CDH2: variants seen among roughly 807,000 people sequenced by gnomAD.
The protein encoded by CDH2 is cadherin-2.
CDH2 carries 17 observed loss-of-function variants against 92.0 expected under a neutral mutation model. The ratio of observed to expected loss-of-function variants is 0.18; its 90% CI spans 0.13 to 0.28. CDH2 has a LOEUF of 0.28. Among genes scored for constraint, CDH2 ranks in the 10% least tolerant of loss-of-function variants. The pLI, the probability that CDH2 is intolerant of heterozygous loss-of-function variation, is 1.00. For synonymous variants in CDH2, 419 were observed against 415.9 expected, an observed-to-expected ratio of 1.01 and a Z score of -0.09; for missense variants, 862 against 1,133.1, an observed-to-expected ratio of 0.76 and a Z score of 3.44.
At chr18:28,167,226 A>G (rs1177115769) in intron 1 of CDH2, among the ~76,000 whole-genome samples, 1 of 152,152 alleles carries the variant, frequency 6.6e-6, no homozygotes, top group Admixed American at 6.5e-5. Context: ...AAGAGAGACT[A>G]TAACTTAACA....
At chr18:27,942,670 G>A (rs1334858445) in intron 6 of CDH2, among the ~76,000 whole-genome samples, 2 of 152,198 alleles carry the variant, frequency 1.3e-5, no homozygotes, top group Non-Finnish European at 2.9e-5. Context: ...CTTTCTTAGT[G>A]GAGAAGAAAA....
chr18:27,975,996 G>C (rs1293175190), intron 14 of CDH2, among the ~76,000 whole-genome samples: 1 of 152,106 alleles, frequency 6.6e-6, no homozygotes, highest in Non-Finnish European at 1.5e-5. Context: ...CTGAGTCTGG[G>C]GTCCTTATAG....
At chr18:27,968,492 C>T (rs527368082) in intron 14 of CDH2, among the ~76,000 whole-genome samples, 29 of 152,234 alleles carry the variant, frequency 1.9e-4, no homozygotes, top group Non-Finnish European at 2.8e-4. Context: ...ATGAGTTCTT[C>T]GGTCTGTGCA....
chr18:27,942,817 C>T (rs575686660), intron 6 of CDH2, among the ~76,000 whole-genome samples: 7 of 152,042 alleles, frequency 4.6e-5, no homozygotes, highest in African/African-American at 9.7e-5. Context: ...TGTGTATGAA[C>T]GAGATTGTCC....
At chr18:27,939,729 TGCAACATTAAATG>T (rs1319286800) in intron 6 of CDH2, among the ~76,000 whole-genome samples, 1 of 152,226 alleles carries the variant, frequency 6.6e-6, no homozygotes, top group Non-Finnish European at 1.5e-5. Context: ...TTTACTATAC[TGCAACATTAAATG>T]GCTAAGTTAC....
chr18:28,072,522 C>T (rs770297911), intron 2 of CDH2, among the ~76,000 whole-genome samples: 1 of 152,190 alleles, frequency 6.6e-6, no homozygotes, highest in African/African-American at 2.4e-5. Flanking sequence ...CCACTAGTTC[C>T]TTCAGGTCAT....
At chr18:28,131,682 TG>T (rs2015772702) in intron 2 of CDH2, among the ~76,000 whole-genome samples, 7 of 46,350 alleles carry the variant, frequency 1.5e-4, no homozygotes, top group Admixed American at 2.5e-4. Context: ...AAAGCATTTG[TG>T]GTGTGTGTGT....
At chr18:28,069,881 T>G (rs951396493) in intron 2 of CDH2, among the ~76,000 whole-genome samples, 1 of 152,040 alleles carries the variant, frequency 6.6e-6, no homozygotes, top group Non-Finnish European at 1.5e-5. Context: ...AGGTACCATT[T>G]CCCTGAGAAT....
intron 14 of CDH2, among the ~76,000 whole-genome samples, chr18:27,981,399 AT>A (rs769118696): frequency 6.6e-6 from 1 of 152,226 alleles, no homozygotes; most frequent in Non-Finnish European, 1.5e-5. Context: ...CCTAAGGTAT[AT>A]TTATAGAGCC....
intron 6 of CDH2, among the ~76,000 whole-genome samples, chr18:27,933,702 G>T (rs1452031546): frequency 6.6e-6 from 1 of 152,216 alleles, no homozygotes; most frequent in Non-Finnish European, 1.5e-5. Flanking sequence ...GATGCCCGAA[G>T]TCACTAAGCT....
chr18:28,076,297 G>A (rs572665119), intron 2 of CDH2, among the ~76,000 whole-genome samples: 60 of 152,180 alleles, frequency 3.9e-4, no homozygotes, highest in African/African-American at 1.3e-3. Flanking sequence ...AATCTTTAAA[G>A]TCAGATTGTT....
At chr18:28,091,637 T>A in intron 2 of CDH2, among the ~76,000 whole-genome samples, 1 of 152,204 alleles carries the variant, frequency 6.6e-6, no homozygotes, top group South Asian at 2.1e-4. Context: ...ACTTACTGAT[T>A]TACTATTTGA....
At chr18:28,064,954 T>C (rs987546732) in intron 2 of CDH2, among the ~76,000 whole-genome samples, 2 of 152,066 alleles carry the variant, frequency 1.3e-5, no homozygotes, top group Non-Finnish European at 2.9e-5. Flanking sequence ...TAAGCCTGCC[T>C]CTCTCAGCTT....
At chr18:28,106,473 G>GTTTTTTTTTTT (rs34443556) in intron 2 of CDH2, among the ~76,000 whole-genome samples, 2 of 146,788 alleles carry the variant, frequency 1.4e-5, no homozygotes, top group Non-Finnish European at 3.0e-5. Flanking sequence ...ACTTACCAGA[G>GTTTTTTTTTTT]TTTTTTTTTT....
intron 2 of CDH2, among the ~76,000 whole-genome samples, chr18:28,133,568 C>T (rs1231267): frequency 0.35 from 44,327 of 127,182 alleles, 7,588 homozygotes; most frequent in African/African-American, 0.44. Flanking sequence ...GGTGACAGAG[C>T]GAGACTCTGT....
chr18:28,143,636 C>T (rs2015988946), intron 2 of CDH2, among the ~76,000 whole-genome samples: 1 of 151,110 alleles, frequency 6.6e-6, no homozygotes, highest in Non-Finnish European at 1.5e-5. Context: ...AATAAAGTGG[C>T]CACAAGACAC....
intron 1 of CDH2, among the ~76,000 whole-genome samples, chr18:28,153,397 T>C (rs2144338045): frequency 6.6e-6 from 1 of 152,350 alleles, no homozygotes; most frequent in Non-Finnish European, 1.5e-5. Flanking sequence ...TAATTCCAGC[T>C]GGCTTTAGTC....
At chr18:28,094,549 C>T (rs190085004) in intron 2 of CDH2, among the ~76,000 whole-genome samples, 54 of 151,806 alleles carry the variant, frequency 3.6e-4, no homozygotes, top group African/African-American at 1.3e-3. Flanking sequence ...AATCCCAGCA[C>T]TTTAGGAGGC....
intron 11 of CDH2, among the ~76,000 whole-genome samples, chr18:27,987,532 C>A (rs551185452): frequency 2.0e-5 from 3 of 152,216 alleles, no homozygotes; most frequent in African/African-American, 7.2e-5. Flanking sequence ...TTGCAAACAC[C>A]AACTTCAACC....
Sources: gnomAD v4.1 joint callset for allele counts (sites outside exome capture counted in the v4.1 genomes callset) on GRCh38, gnomAD v4.1.1 for gene constraint, MANE v1.5 for transcripts, NCBI Gene and HGNC (gene_info 2026-07-23, HGNC 2026-07-21) for gene names.